Variants in WDR27 observed in about 807,000 individuals in gnomAD.
WDR27 encodes WD repeat-containing protein 27.
WDR27 carries 100 observed loss-of-function variants against 114.4 expected under a neutral mutation model. The ratio of observed to expected loss-of-function variants is 0.87; its 90% CI spans 0.74 to 1.03. The LOEUF is 1.03. Among genes scored for constraint, WDR27 ranks in the 50% least tolerant of loss-of-function variants. WDR27 has a pLI of 0.00. For missense variants in WDR27, 1,129 were observed against 1,092.9 expected, an observed-to-expected ratio of 1.03 and a Z score of -0.47; for synonymous variants, 449 against 423.1, an observed-to-expected ratio of 1.06 and a Z score of -0.75.
At chr6:169,498,354 T>G (rs577013559) in intron 25 of WDR27, among the ~76,000 whole-genome samples, 1 of 152,102 alleles carries the variant, frequency 6.6e-6, no homozygotes, top group Non-Finnish European at 1.5e-5. Flanking sequence ...TTAAAAGTTA[T>G]GGAGATAGGT....
intron 25 of WDR27, among the ~76,000 whole-genome samples, chr6:169,459,877 T>A (rs1451114834): frequency 6.6e-6 from 1 of 151,992 alleles, no homozygotes; most frequent in Non-Finnish European, 1.5e-5. Flanking sequence ...CCTTCAAAAG[T>A]AAGGGAAAAA....
At chr6:169,683,008 TAC>T (rs1486298299) in intron 2 of WDR27, among the ~76,000 whole-genome samples, 1 of 151,788 alleles carries the variant, frequency 6.6e-6, no homozygotes, top group African/African-American at 2.4e-5. Context: ...TATTTGCAAA[TAC>T]ACAGTCAGAG....
chr6:169,683,032 A>G (rs544002279), intron 2 of WDR27, among the ~76,000 whole-genome samples: 9 of 152,342 alleles, frequency 5.9e-5, no homozygotes, highest in Non-Finnish European at 1.3e-4. Context: ...AGAAAAAAGA[A>G]AATGAAAAGG....
chr6:169,695,974 C>T (rs571550839), intron 1 of WDR27, among the ~76,000 whole-genome samples: 1 of 152,258 alleles, frequency 6.6e-6, no homozygotes, highest in East Asian at 1.9e-4. Context: ...AAGGAGTTTT[C>T]ACCCAAAGAC....
rs554324574 is a variant in WDR27 at position 169,621,705 on chromosome 6, T to C, written c.2224-8049A>G. Among the ~76,000 whole-genome samples, 4 of 147,628 alleles carry C rather than the reference T, an allele frequency of 2.7e-5. No individual in the cohort carries two copies. In the East Asian group the frequency reaches 8.1e-4, roughly 30 times the overall value. On this transcript the variant is annotated intron_variant, in intron 21 of 25. Transcript: ENST00000448612. ...ACACATGCATATACATACCCACACA[T>C]GCATTCACGCATATACACATTCACA...
At chr6:169,427,712 T>C in the WDR27 span, among the ~76,000 whole-genome samples, 7 of 150,422 alleles carry the variant, frequency 4.7e-5, no homozygotes, top group African/African-American at 1.7e-4. Context: ...CCAGGGCCTG[T>C]GTGGAGAAAC....
intron 1 of WDR27, among the ~76,000 whole-genome samples, chr6:169,694,018 G>GT (rs1004377424): frequency 3.9e-5 from 6 of 152,188 alleles, no homozygotes; most frequent in African/African-American, 1.4e-4. Context: ...CTTGTTAAAT[G>GT]TAACAGTCAT....
the WDR27 span, among the ~76,000 whole-genome samples, chr6:169,434,752 G>A: frequency 3.3e-5 from 5 of 152,282 alleles, no homozygotes; most frequent in East Asian, 7.7e-4. Flanking sequence ...CTTTACAAGG[G>A]AAATGGAGCA....
At chr6:169,623,056 C>T (rs146880174) in intron 21 of WDR27, among the ~76,000 whole-genome samples, 4 of 152,194 alleles carry the variant, frequency 2.6e-5, no homozygotes, top group Non-Finnish European at 5.9e-5. Flanking sequence ...CCACCTCCCC[C>T]ACCCCTACCC....
At chr6:169,525,519 G>C (rs1162497021) in intron 25 of WDR27, among the ~76,000 whole-genome samples, 1 of 132,156 alleles carries the variant, frequency 7.6e-6, no homozygotes, top group Non-Finnish European at 1.5e-5. Context: ...CTGGGTGACA[G>C]AGCAAGACTC....
intron 25 of WDR27, among the ~76,000 whole-genome samples, chr6:169,532,448 G>C (rs1795710105): frequency 6.6e-6 from 1 of 152,040 alleles, no homozygotes; most frequent in Non-Finnish European, 1.5e-5. Context: ...ATTGAATAAA[G>C]ATCTAATATT....
chr6:169,645,799 A>T (rs1820580006), intron 16 of WDR27, among the ~76,000 whole-genome samples: 1 of 151,616 alleles, frequency 6.6e-6, no homozygotes, highest in African/African-American at 2.4e-5. Context: ...CACACTGTAG[A>T]AAAGCCTAGT....
chr6:169,566,394 G>A (rs902994145), intron 25 of WDR27, among the ~76,000 whole-genome samples: 11 of 152,224 alleles, frequency 7.2e-5, no homozygotes, highest in African/African-American at 2.4e-4. Flanking sequence ...AGAGGGGCCG[G>A]CCCTCCAGCA....
At chr6:169,669,111 T>C (rs1828681460) in intron 4 of WDR27, among the ~76,000 whole-genome samples, 1 of 152,358 alleles carries the variant, frequency 6.6e-6, no homozygotes, top group East Asian at 1.9e-4. Flanking sequence ...GAAAAATATT[T>C]AAGTTATTTC....
chr6:169,568,379 A>G (rs16888154), intron 25 of WDR27, among the ~76,000 whole-genome samples: 5,242 of 152,254 alleles, frequency 0.034, 226 homozygotes, highest in African/African-American at 0.1. Context: ...TCCATGAAAA[A>G]TAAGCAAGAA....
At chr6:169,488,982 C>A (rs1426280270) in intron 25 of WDR27, among the ~76,000 whole-genome samples, 1 of 139,696 alleles carries the variant, frequency 7.2e-6, no homozygotes, top group East Asian at 2.1e-4. Context: ...TTAATCAAAT[C>A]CTTTGTAAAT....
intron 8 of WDR27, among the ~76,000 whole-genome samples, chr6:169,662,937 A>G (rs113079456): frequency 0.039 from 5,231 of 134,566 alleles, 310 homozygotes; most frequent in African/African-American, 0.14. Flanking sequence ...CGGAGCATTC[A>G]GATCACGCGT....
At chr6:169,527,665 A>G (rs1795108461) in intron 25 of WDR27, among the ~76,000 whole-genome samples, 1 of 152,214 alleles carries the variant, frequency 6.6e-6, no homozygotes, top group Non-Finnish European at 1.5e-5. Flanking sequence ...AGAAATATAC[A>G]ATAAAATATT....
At position 169,562,841 on chromosome 6, in the gene WDR27, A is replaced by G. The variant is rs574436431; in HGVS notation, c.2645+9578T>C. 2.0e-5 allele frequency among the ~76,000 whole-genome samples: 3 copies of G among 152,236 alleles called. No individual in the cohort carries two copies. In the South Asian group the frequency reaches 6.2e-4, roughly 32 times the overall value. Reference sequence around the variant, plus strand: ...GAGGAGGCCGATGAGATAGAGGATGAGCTTGCAGGAGGGCTCCACGGCTCC... The same window carrying G: ...GAGGAGGCCGATGAGATAGAGGATGGGCTTGCAGGAGGGCTCCACGGCTCC... On this transcript the variant is annotated intron_variant, in intron 25 of 25. Transcript: ENST00000448612.
Sources: gnomAD v4.1 joint callset for allele counts (sites outside exome capture counted in the v4.1 genomes callset) on GRCh38, gnomAD v4.1.1 for gene constraint, MANE v1.5 for transcripts, NCBI Gene and HGNC (gene_info 2026-07-23, HGNC 2026-07-21) for gene names.